The following VAV3 variants were observed in gnomAD, a reference collection of about 807,000 sequenced individuals.
VAV3 encodes the protein vav guanine nucleotide exchange factor 3.
A neutral mutation model predicts 131.2 loss-of-function variants in VAV3; 94 were observed. The observed-to-expected ratio is 0.72, with a 90% CI of 0.61 to 0.85. The LOEUF (loss-of-function observed/expected upper bound fraction) is 0.85. Among genes scored for constraint, VAV3 ranks in the 40% least tolerant of loss-of-function variants. The pLI is 0.00. For synonymous variants in VAV3, 349 were observed against 342.0 expected, an observed-to-expected ratio of 1.02 and a Z score of -0.22; for missense variants, 939 against 1,002.7, an observed-to-expected ratio of 0.94 and a Z score of 0.86.
chr1:107,704,780 C>G, intron 16 of VAV3, 130 bp from the exon 17 acceptor site: 1 of 961,310 alleles, frequency 1.0e-6, no homozygotes, highest in Non-Finnish European at 1.6e-6. Flanking sequence ...GGGAGACGAG[C>G]TTGCCAGAGC....
At chr1:107,928,065 C>G (rs905609336) in intron 1 of VAV3, among the ~76,000 whole-genome samples, 2 of 152,126 alleles carry the variant, frequency 1.3e-5, no homozygotes, top group Non-Finnish European at 2.9e-5. Flanking sequence ...TGGCTCAGAA[C>G]AGAAAGAGAA....
chr1:107,955,936 C>A (rs1429803758), intron 1 of VAV3, among the ~76,000 whole-genome samples: 1 of 152,222 alleles, frequency 6.6e-6, no homozygotes, highest in African/African-American at 2.4e-5. Context: ...TCCATCACAC[C>A]CAATGTTCAT....
At chr1:107,800,706 A>G (rs1028802958) in intron 2 of VAV3, among the ~76,000 whole-genome samples, 1 of 152,072 alleles carries the variant, frequency 6.6e-6, no homozygotes, top group African/African-American at 2.4e-5. Flanking sequence ...AGTTCCTTAT[A>G]TATTCTGGTT....
At chr1:107,777,341 G>A in intron 3 of VAV3, 45 bp from the exon 4 acceptor site, 1 of 1,561,072 alleles carries the variant, frequency 6.4e-7, no homozygotes, top group South Asian at 1.1e-5. Flanking sequence ...AAACCCATGA[G>A]TGAACGAGCA....
At chr1:107,602,608 T>C in intron 23 of VAV3, 124 bp from the exon 24 acceptor site, 1 of 682,786 alleles carries the variant, frequency 1.5e-6, no homozygotes. Flanking sequence ...TATATACCTA[T>C]GCCAATACAC....
intron 1 of VAV3, among the ~76,000 whole-genome samples, chr1:107,885,400 C>T (rs1014271669): frequency 1.1e-4 from 17 of 151,504 alleles, no homozygotes; most frequent in Non-Finnish European, 1.8e-4. Context: ...ACTCTCCTCA[C>T]CACAACTTAT....
At chr1:107,736,225 T>C (rs967204448) in intron 15 of VAV3, among the ~76,000 whole-genome samples, 3 of 152,182 alleles carry the variant, frequency 2.0e-5, no homozygotes, top group African/African-American at 7.2e-5. Context: ...ATAAGAGGTA[T>C]TTATGACAAA....
chr1:107,770,978 C>T lies in VAV3; in HGVS notation c.556-250G>A, dbSNP rs568632008. Among the ~76,000 whole-genome samples, 12 of 152,222 alleles carry T rather than the reference C, an allele frequency of 7.9e-5. No homozygotes were observed. The South Asian group carries it at 2.5e-3, about 32-fold the overall frequency. On this transcript the variant is annotated intron_variant, in intron 5 of 26. Coordinates refer to ENST00000370056, the MANE Select transcript of VAV3 (RefSeq NM_006113.5). ...TGTAGACACTCTAAAATATCTCTTA[C>T]TAAAATGTTCATAAAGTTGGAAACA... is the stretch of plus-strand genomic sequence containing the variant.
chr1:107,938,328 C>T (rs781604688), intron 1 of VAV3, among the ~76,000 whole-genome samples: 4 of 152,112 alleles, frequency 2.6e-5, no homozygotes, highest in Admixed American at 6.5e-5. Flanking sequence ...AGGAAGGAGC[C>T]GCCAGATGGG....
intron 2 of VAV3, among the ~76,000 whole-genome samples, chr1:107,873,043 G>A (rs1454389073): frequency 6.6e-6 from 1 of 152,048 alleles, no homozygotes; most frequent in Non-Finnish European, 1.5e-5. Context: ...TCCAATCTTG[G>A]CAGTAGCAAA....
At chr1:107,591,436 A>C (rs1418405644) in intron 25 of VAV3, among the ~76,000 whole-genome samples, 1 of 150,512 alleles carries the variant, frequency 6.6e-6, no homozygotes, top group Non-Finnish European at 1.5e-5. Context: ...TGAATGAATA[A>C]ATGAATGAAT....
At chr1:107,922,896 G>A (rs373232457) in intron 1 of VAV3, among the ~76,000 whole-genome samples, 9 of 150,576 alleles carry the variant, frequency 6.0e-5, no homozygotes, top group East Asian at 3.9e-4. Context: ...AGCTTGCAGT[G>A]AGCCGAGATC....
chr1:107,599,681 G>C (rs746588994), intron 24 of VAV3, among the ~76,000 whole-genome samples: 11 of 151,760 alleles, frequency 7.2e-5, no homozygotes, highest in African/African-American at 1.5e-4. Flanking sequence ...AAAAGGTTAG[G>C]TCAAAACCAC....
intron 1 of VAV3, among the ~76,000 whole-genome samples, chr1:107,931,016 T>A (rs1358717701): frequency 6.6e-6 from 1 of 152,162 alleles, no homozygotes; most frequent in African/African-American, 2.4e-5. Flanking sequence ...GTGACCAGGT[T>A]TCCTGATCTC....
rs539774103 is a variant in VAV3, at chr1:107,751,720, C to T, written c.1174-518G>A. On this transcript the variant is annotated intron_variant, in intron 12 of 26. Transcript: ENST00000370056. ...GGTCTATAAAGTCCAGGCTGGCTTT[C>T]TTGAGCTAGGACCTCAAGGACGAAA... Among the ~76,000 whole-genome samples, 3 of 152,264 alleles carry T rather than the reference C, an allele frequency of 2.0e-5. No homozygotes were observed. The East Asian group carries it at 5.8e-4, about 29-fold the overall frequency.
chr1:107,907,600 T>C (rs1321478574), intron 1 of VAV3, among the ~76,000 whole-genome samples: 1 of 152,116 alleles, frequency 6.6e-6, no homozygotes, highest in East Asian at 1.9e-4. Flanking sequence ...GTGGATTCAT[T>C]ACCACGACAG....
rs1349121549 is a variant in VAV3 at position 107,860,489 on chromosome 1, C to T, written c.321+14412G>A. 2.0e-5 allele frequency among the ~76,000 whole-genome samples: 3 copies of T among 151,330 alleles called. 1 individual carries two copies. The highest frequency in any genetic ancestry group is 4.4e-5 in the Non-Finnish European group (3 of 67,750). Reference sequence around the variant, plus strand: ...GTTCATGAACTCATTTCTGTATTAACCTATTGGGTTTCTTTTTTACTTGAC... The same window carrying T: ...GTTCATGAACTCATTTCTGTATTAATCTATTGGGTTTCTTTTTTACTTGAC... On this transcript the variant is annotated intron_variant, in intron 2 of 26. Transcript: ENST00000370056.
At chr1:107,784,036 G>C (rs988098245) in intron 2 of VAV3, among the ~76,000 whole-genome samples, 1 of 150,002 alleles carries the variant, frequency 6.7e-6, no homozygotes, top group Non-Finnish European at 1.5e-5. Flanking sequence ...CTCCAGCCTG[G>C]GTGACAGAGC....
intron 20 of VAV3, among the ~76,000 whole-genome samples, chr1:107,633,487 G>A (rs1654665422): frequency 6.6e-6 from 1 of 152,060 alleles, no homozygotes; most frequent in Non-Finnish European, 1.5e-5. Context: ...AGTGCCCTTG[G>A]AACAGCTCAC....
Sources: gnomAD v4.1 joint callset for allele counts (sites outside exome capture counted in the v4.1 genomes callset) on GRCh38, gnomAD v4.1.1 for gene constraint, MANE v1.5 for transcripts, NCBI Gene and HGNC (gene_info 2026-07-23, HGNC 2026-07-21) for gene names.